Variants in RAB6A observed in about 807,000 individuals in gnomAD.
RAB6A encodes ras-related protein Rab-6A.
RAB6A carries 8 observed loss-of-function variants against 32.3 expected under a neutral mutation model. The observed-to-expected ratio is 0.25, with a 90% confidence interval of 0.15 to 0.45. RAB6A has a LOEUF of 0.45. RAB6A is among the 20% of genes least tolerant of loss of function. RAB6A has a pLI of 1.00. For synonymous variants in RAB6A, 73 were observed against 82.1 expected (o/e 0.89, Z 0.60); for missense variants, 104 against 249.4 (o/e 0.42, Z 3.93).
intron 1 of RAB6A, among the ~76,000 whole-genome samples, chr11:73,734,776 T>C (rs1235742319): frequency 6.6e-6 from 1 of 151,924 alleles, no homozygotes; most frequent in Non-Finnish European, 1.5e-5. Context: ...CTAACAGGAG[T>C]AATCTAAAAT....
At chr11:73,717,023 G>A (rs983536444) in intron 4 of RAB6A, among the ~76,000 whole-genome samples, 1 of 152,124 alleles carries the variant, frequency 6.6e-6, no homozygotes, top group Admixed American at 6.6e-5. Flanking sequence ...AAATACACCA[G>A]GTTTCACTTG....
At chr11:73,736,824 A>AC (rs369182775) in intron 1 of RAB6A, among the ~76,000 whole-genome samples, 50 of 144,702 alleles carry the variant, frequency 3.5e-4, no homozygotes, top group African/African-American at 7.5e-4. Flanking sequence ...AAAAAAAAAA[A>AC]AACAATTAGC....
intron 5 of RAB6A, among the ~76,000 whole-genome samples, chr11:73,711,412 T>C (rs1159735240): frequency 6.6e-6 from 1 of 152,224 alleles, no homozygotes; most frequent in Non-Finnish European, 1.5e-5. Flanking sequence ...CCCTGAAGAT[T>C]CACTCCATAG....
chr11:73,718,756 GA>G, intron 3 of RAB6A, 38 bp from the exon 4 acceptor site: 1 of 1,613,868 alleles, frequency 6.2e-7, no homozygotes, highest in South Asian at 1.1e-5. Context: ...AGAAAAATAA[GA>G]AAGGTCAACC....
intron 6 of RAB6A, among the ~76,000 whole-genome samples, chr11:73,688,903 G>C (rs1352091243): frequency 1.3e-5 from 2 of 152,170 alleles, no homozygotes; most frequent in African/African-American, 2.4e-5. Context: ...AGCCGAGGTG[G>C]TTGGATCATT....
Position 73,681,171 on chromosome 11 carries a change from G to A in RAB6A, c.496-1451C>T, listed in dbSNP as rs78356377. 5.3e-3 allele frequency among the ~76,000 whole-genome samples: 808 copies of A among 152,284 alleles called. 7 individuals carry two copies. Among genetic ancestry groups the A allele is most frequent in the African/African-American group, 0.018 (736 of 41,566 alleles). On this transcript the variant is annotated intron_variant, in intron 6 of 7. Coordinates refer to ENST00000336083, the MANE Select transcript of RAB6A (RefSeq NM_198896.2). Reference sequence around the variant, plus strand: ...CCTCATTCTGTGTCTTTGAGACACAGAAATGAACAAGAAAAAACAGTTTTT... The same window carrying A: ...CCTCATTCTGTGTCTTTGAGACACAAAAATGAACAAGAAAAAACAGTTTTT...
At chr11:73,699,234 T>G (rs1435664728) in intron 6 of RAB6A, among the ~76,000 whole-genome samples, 1 of 151,962 alleles carries the variant, frequency 6.6e-6, no homozygotes, top group East Asian at 1.9e-4. Context: ...TAAACCTCTT[T>G]GTGCCAGCAT....
At chr11:73,709,910 T>TACATATATATAC (rs1287935574) in intron 5 of RAB6A, among the ~76,000 whole-genome samples, 1 of 146,700 alleles carries the variant, frequency 6.8e-6, no homozygotes, top group Admixed American at 6.9e-5. Flanking sequence ...CACACATATA[T>TACATATATATAC]ACATATATAT....
At chr11:73,707,895 A>G (rs1945875211) in intron 5 of RAB6A, among the ~76,000 whole-genome samples, 2 of 152,098 alleles carry the variant, frequency 1.3e-5, no homozygotes, top group South Asian at 4.1e-4. Context: ...AAAAAGAAAA[A>G]GCTAAAAACA....
chr11:73,753,107 G>A (rs530737648), intron 1 of RAB6A, among the ~76,000 whole-genome samples: 11 of 152,086 alleles, frequency 7.2e-5, no homozygotes, highest in African/African-American at 1.7e-4. Flanking sequence ...TTAATCAGCC[G>A]AGCGCAATGG....
chr11:73,713,451 C>G (rs745986105), intron 5 of RAB6A, among the ~76,000 whole-genome samples: 11 of 152,018 alleles, frequency 7.2e-5, no homozygotes, highest in Non-Finnish European at 1.3e-4. Context: ...GTGCCTAGTC[C>G]CAGCTACTCA....
intron 1 of RAB6A, among the ~76,000 whole-genome samples, chr11:73,734,220 G>A (rs1946359987): frequency 6.6e-6 from 1 of 152,128 alleles, no homozygotes; most frequent in African/African-American, 2.4e-5. Context: ...TCACCTCCTG[G>A]GGTCAAGCGA....
chr11:73,757,106 T>TATATATATATATATAC (rs1565383753), intron 1 of RAB6A, among the ~76,000 whole-genome samples: 2 of 37,072 alleles, frequency 5.4e-5, no homozygotes, highest in African/African-American at 2.5e-4. Context: ...TACATATATA[T>TATATATATATATATAC]ATATATATAT....
intron 2 of RAB6A, among the ~76,000 whole-genome samples, chr11:73,726,387 C>T (rs1261241779): frequency 6.6e-6 from 1 of 150,720 alleles, no homozygotes; most frequent in South Asian, 2.1e-4. Flanking sequence ...TCGAGACCAT[C>T]CTGGCTAGCA....
intron 1 of RAB6A, among the ~76,000 whole-genome samples, chr11:73,751,651 G>T (rs545638033): frequency 6.6e-6 from 1 of 152,204 alleles, no homozygotes; most frequent in South Asian, 2.1e-4. Context: ...AAAGAAAAAC[G>T]GGGTTTCTGT....
intron 6 of RAB6A, among the ~76,000 whole-genome samples, chr11:73,693,201 C>G (rs1025104407): frequency 6.6e-6 from 1 of 151,876 alleles, no homozygotes; most frequent in Non-Finnish European, 1.5e-5. Context: ...AGCAGAAGAA[C>G]TGCTTGAACC....
chr11:73,687,877 C>T lies in RAB6A; in HGVS notation c.496-8157G>A, dbSNP rs1448285687. 3.3e-5 allele frequency among the ~76,000 whole-genome samples: 5 copies of T among 152,000 alleles called. No individual in the cohort carries two copies. In the East Asian group the frequency reaches 9.6e-4, roughly 29 times the overall value. On this transcript the variant is annotated intron_variant, in intron 6 of 7. Transcript: ENST00000336083. ...CATCTCAAGAAAAAAAAAGAAGTCA[C>T]GGATGTTACCTTGTAGACTGTCAAG...
chr11:73,727,085 T>C (rs751943544), intron 2 of RAB6A, among the ~76,000 whole-genome samples: 1 of 152,086 alleles, frequency 6.6e-6, no homozygotes, highest in African/African-American at 2.4e-5. Flanking sequence ...AAGAAAGAAA[T>C]AAAACAATCA....
chr11:73,736,994 A>G (rs2134985005), intron 1 of RAB6A, among the ~76,000 whole-genome samples: 1 of 150,430 alleles, frequency 6.6e-6, no homozygotes, highest in East Asian at 2.0e-4. Context: ...AAAAAAAAAA[A>G]AAAGAAGAAA....
Sources: gnomAD v4.1 joint callset for allele counts (sites outside exome capture counted in the v4.1 genomes callset) on GRCh38, gnomAD v4.1.1 for gene constraint, MANE v1.5 for transcripts, NCBI Gene and HGNC (gene_info 2026-07-23, HGNC 2026-07-21) for gene names.